Variants in LMF1 observed in about 807,000 individuals in gnomAD.
LMF1 encodes the protein transmembrane protein 112.
A neutral mutation model predicts 60.6 loss-of-function variants in LMF1; 68 were observed. The observed-to-expected ratio is 1.12, with a 90% confidence interval of 0.92 to 1.37. The LOEUF (loss-of-function observed/expected upper bound fraction) is 1.37. Ranked by LOEUF, LMF1 falls within the 40% of genes most tolerant of loss-of-function variation. The pLI, the probability that LMF1 is intolerant of heterozygous loss-of-function variation, is 0.00. For missense variants in LMF1, 948 were observed against 767.2 expected, an observed-to-expected ratio of 1.24 and a Z score of -2.78; for synonymous variants, 418 against 324.7, an observed-to-expected ratio of 1.29 and a Z score of -3.09.
chr16:978,761 G>A (rs557880958), intron 1 of LMF1, among the ~76,000 whole-genome samples: 25 of 152,092 alleles, frequency 1.6e-4, no homozygotes, highest in African/African-American at 5.8e-4. Flanking sequence ...CAGGGGAGGA[G>A]GGTGTGTGTG....
At chr16:930,284 A>C (rs965405933) in intron 3 of LMF1, among the ~76,000 whole-genome samples, 1 of 152,128 alleles carries the variant, frequency 6.6e-6, no homozygotes, top group African/African-American at 2.4e-5. Flanking sequence ...GGACCCTGGG[A>C]CACAGAGCCC....
In LMF1 at chr16:870,748, T is replaced by A; in HGVS notation, c.1213A>T (p.Thr405Ser). Residue 405 changes from threonine (T) to serine (S), a missense_variant, in exon 8 of 11, where the codon ACT becomes TCT. Transcript: ENST00000262301. ...TCATACCTTCCGAAGGCCCCGTAAGTGTTGACGATGTGAAGAGAGTTGAAG... is the reference window on the plus strand; with the variant it reads ...TCATACCTTCCGAAGGCCCCGTAAGAGTTGACGATGTGAAGAGAGTTGAAG... ...THFNSLHIVN[T>S]YGAFGSITKE... The A allele has an allele frequency of 6.2e-7, 1 of 1,612,834 alleles. No individual in the cohort carries two copies. Among genetic ancestry groups the A allele is most frequent in the Non-Finnish European group, 8.5e-7 (1 of 1,179,764 alleles).
intron 1 of LMF1, among the ~76,000 whole-genome samples, chr16:977,902 AACACACACACCACACACATACC>A (rs2073198770): frequency 7.4e-6 from 1 of 135,948 alleles, no homozygotes. Flanking sequence ...CCACACACTA[AACACACACACCACACACATACC>A]ACACACATAC....
intron 4 of LMF1, among the ~76,000 whole-genome samples, chr16:893,519 C>A (rs531822516): frequency 6.6e-6 from 1 of 152,154 alleles, no homozygotes; most frequent in Non-Finnish European, 1.5e-5. Context: ...CCGCCCCCTG[C>A]GGCACAAAGG....
rs1277682288 is a variant in LMF1, at chr16:948,823, C to A, written c.503+5534G>T. Among the ~76,000 whole-genome samples, 5 of 99,186 alleles carry A rather than the reference C, an allele frequency of 5.0e-5. 1 individual carries two copies. The highest frequency in any genetic ancestry group is 1.5e-4 in the African/African-American group (3 of 19,982). 65.1% of individuals were successfully genotyped at this position (99,186 alleles called of 152,430 possible). ...CAGAGTCAGCCAACGACAGAGTCAGCCAACGACAGAGTCAGAGCCAACGAC... is the reference window on the plus strand; with the variant it reads ...CAGAGTCAGCCAACGACAGAGTCAGACAACGACAGAGTCAGAGCCAACGAC... On this transcript the variant is annotated intron_variant, in intron 2 of 10. Coordinates refer to ENST00000262301, the MANE Select transcript of LMF1 (RefSeq NM_022773.4).
chr16:976,618 G>A lies in LMF1; in HGVS notation c.-135+4527C>T, dbSNP rs1407326656. The A allele has an allele frequency of 2.2e-5, 10 of 454,016 alleles. No individual in the cohort carries two copies. The Admixed American group carries it at 2.4e-4, about 11-fold the overall frequency. The allele number at this position is 454,016 out of a possible 1,614,324, so 28.1% of individuals were successfully genotyped here. On this transcript the variant is annotated intron_variant, in intron 1 of 6. Transcript: ENST00000570014. ...TGCCCATTATCAGACGAGAAGTGCA[G>A]AGAGCAAATGCGTGCTGTTGGCGCC... is the stretch of plus-strand genomic sequence containing the variant.
chr16:889,888 G>C (rs1211507912), intron 5 of LMF1, among the ~76,000 whole-genome samples: 1 of 152,186 alleles, frequency 6.6e-6, no homozygotes, highest in Non-Finnish European at 1.5e-5. Context: ...TCTGAGGTGA[G>C]AGGGGGGATG....
At chr16:912,944 A>C (rs2071162635) in intron 3 of LMF1, among the ~76,000 whole-genome samples, 1 of 152,214 alleles carries the variant, frequency 6.6e-6, no homozygotes, top group African/African-American at 2.4e-5. Flanking sequence ...AGGGCTCTCC[A>C]GACAGCTCTC....
intron 5 of LMF1, among the ~76,000 whole-genome samples, chr16:889,819 T>C (rs1006375454): frequency 1.3e-5 from 2 of 152,088 alleles, no homozygotes; most frequent in Non-Finnish European, 2.9e-5. Flanking sequence ...TCCTGAAACC[T>C]TCACCAGTGC....
chr16:894,963 G>A (rs1019972906), intron 4 of LMF1, among the ~76,000 whole-genome samples: 1 of 152,196 alleles, frequency 6.6e-6, no homozygotes, highest in African/African-American at 2.4e-5. Context: ...GGGAGCCCCG[G>A]GGCGGGGTGG....
rs536267188 is a variant in LMF1, at chr16:952,118, C to T, written c.503+2239G>A. Among the ~76,000 whole-genome samples the T allele has an allele frequency of 7.6e-4, 116 of 152,308 alleles. No homozygotes were observed. The South Asian group carries it at 0.023, about 31-fold the overall frequency. On this transcript the variant is annotated intron_variant, in intron 2 of 10. Transcript: ENST00000262301. ...GCCACGTTGTGGGTGCCCAAGGCAT[C>T]CCCAGGCCTCCTGCCCTGCCCTGGT...
At chr16:981,350 G>A (rs1446648904), upstream of LMF1, 19 of 75,558 alleles carry the variant, frequency 2.5e-4, no homozygotes, top group African/African-American at 4.2e-4. Flanking sequence ...GAGAGAGAGT[G>A]TGTGTGTGTG....
chr16:870,201 CAG>C lies in LMF1; in HGVS notation c.1233-137_1233-136del, dbSNP rs925144690. 4.9e-6 allele frequency: 5 copies of C among 1,019,254 alleles called. No individual in the cohort carries two copies. The African/African-American group carries it at 8.0e-5, about 16-fold the overall frequency. 63.1% of individuals were successfully genotyped at this position (1,019,254 alleles called of 1,614,324 possible). On this transcript the variant is annotated intron_variant, in intron 8 of 10. Transcript: ENST00000262301. ...CTACAGCCTCCACCTGCCTCCTGGT[CAG>C]GGGCTACTGAGAGGCTGGGTGGGGC...
intron 2 of LMF1, among the ~76,000 whole-genome samples, chr16:948,573 C>G (rs1215292092): frequency 6.8e-6 from 1 of 146,266 alleles, no homozygotes; most frequent in Non-Finnish European, 1.5e-5. Context: ...GAGTTAGAGA[C>G]AACGACAGAG....
chr16:914,838 A>G (rs1357895402), intron 3 of LMF1, among the ~76,000 whole-genome samples: 2 of 23,718 alleles, frequency 8.4e-5, no homozygotes, highest in Admixed American at 1.3e-3. Context: ...CCTCTCTCCC[A>G]TGACCATTGG....
intron 1 of LMF1, among the ~76,000 whole-genome samples, chr16:966,295 G>A (rs865988097): frequency 1.3e-5 from 2 of 152,318 alleles, no homozygotes; most frequent in Admixed American, 6.5e-5. Context: ...GCAGCAGGGA[G>A]CGTGTGTCCC....
chr16:976,091 G>A (rs2073134157), intron 1 of LMF1: 2 of 369,098 alleles, frequency 5.4e-6, no homozygotes, highest in Non-Finnish European at 1.0e-5. Flanking sequence ...TACAAACGCT[G>A]ATTTTTCTGG....
At chr16:911,701 C>T (rs1031231116) in intron 3 of LMF1, among the ~76,000 whole-genome samples, 7 of 132,998 alleles carry the variant, frequency 5.3e-5, no homozygotes, top group African/African-American at 1.9e-4. Flanking sequence ...GGGGGAGCAG[C>T]ACTGGGGAGG....
chr16:886,069 T>C (rs2070296868), intron 5 of LMF1, among the ~76,000 whole-genome samples: 1 of 152,232 alleles, frequency 6.6e-6, no homozygotes, highest in African/African-American at 2.4e-5. Context: ...CCCCGTCTCT[T>C]TGGAGCCTTT....
Sources: gnomAD v4.1 joint callset for allele counts (sites outside exome capture counted in the v4.1 genomes callset) on GRCh38, gnomAD v4.1.1 for gene constraint, MANE v1.5 for transcripts, NCBI Gene and HGNC (gene_info 2026-07-23, HGNC 2026-07-21) for gene names.